Variants in UBR4 observed in about 807,000 individuals in gnomAD.
The protein encoded by UBR4 is ubiquitin protein ligase E3 component n-recognin 4, also known as E3 ubiquitin-protein ligase UBR4.
Under a neutral mutation model 575.6 loss-of-function variants are expected in UBR4, and 124 were observed. The observed-to-expected ratio is 0.22, with a 90% confidence interval of 0.19 to 0.25. UBR4 has a LOEUF of 0.25. Among genes scored for constraint, UBR4 ranks in the 10% least tolerant of loss-of-function variants. UBR4 has a pLI of 1.00. For synonymous variants in UBR4, 2,455 were observed against 2,473.7 expected, an observed-to-expected ratio of 0.99 and a Z score of 0.22; for missense variants, 4,818 against 6,478.8, an observed-to-expected ratio of 0.74 and a Z score of 8.80.
rs531147449 is a variant in UBR4 at position 19,163,686 on chromosome 1, C to T, written c.4764+78G>A. On this transcript the variant is annotated intron_variant, in intron 34 of 105. Coordinates refer to ENST00000375254, the MANE Select transcript of UBR4 (RefSeq NM_020765.3). ...AGCCAGGCACAGAACTCAATAGGAACGAGAGACTTCCACCTGACCACAGAG... is the reference window on the plus strand; with the variant it reads ...AGCCAGGCACAGAACTCAATAGGAATGAGAGACTTCCACCTGACCACAGAG... 36 of 1,479,276 alleles carry T rather than the reference C, an allele frequency of 2.4e-5. 3 individuals carry two copies. The highest frequency in any genetic ancestry group is 1.9e-4 in the South Asian group (17 of 88,334). The allele number at this position is 1,479,276 out of a possible 1,614,324, so 91.6% of individuals were successfully genotyped here.
chr1:19,196,914 A>G (rs1016559567), intron 8 of UBR4, among the ~76,000 whole-genome samples: 5 of 152,270 alleles, frequency 3.3e-5, no homozygotes, highest in African/African-American at 9.6e-5. Flanking sequence ...GTATCTGCAC[A>G]TACTATAAAA....
chr1:19,174,972 C>A lies in UBR4; in HGVS notation c.2835G>T (p.Leu945Phe). 1 of 1,613,906 alleles carries A rather than the reference C, an allele frequency of 6.2e-7. No individual in the cohort carries two copies. The highest frequency in any genetic ancestry group is 1.1e-5 in the South Asian group (1 of 91,024). The change falls in exon 21 of 106, where the codon TTG becomes TTT. Residue 945 changes from leucine (L) to phenylalanine (F), a missense_variant. By Grantham distance (22) the Leu-to-Phe change is conservative. Transcript: ENST00000375254. ...VLSPEASEDDLNRLDSVACDV... is the reference protein window; with the variant it reads ...VLSPEASEDDFNRLDSVACDV... ...CTAGTACCACAGAATCAAGTCGGTTCAAATCATCCTCTGAGGCTTCTGGGG... is the reference window on the plus strand; with the variant it reads ...CTAGTACCACAGAATCAAGTCGGTTAAAATCATCCTCTGAGGCTTCTGGGG...
At chr1:19,190,053 G>A (rs1412241844) in intron 11 of UBR4, among the ~76,000 whole-genome samples, 1 of 151,692 alleles carries the variant, frequency 6.6e-6, no homozygotes, top group African/African-American at 2.4e-5. Flanking sequence ...TTGGGATGCT[G>A]AGGCAGGCAG....
At chr1:19,198,381 G>A (rs1463802455) in intron 5 of UBR4, among the ~76,000 whole-genome samples, 160 bp downstream of exon 5, 2 of 152,134 alleles carry the variant, frequency 1.3e-5, no homozygotes, top group Admixed American at 1.3e-4. Context: ...GAGTTGGGGT[G>A]AATTTTACTT....
chr1:19,190,950 G>A (rs2092025363), intron 11 of UBR4, among the ~76,000 whole-genome samples: 1 of 152,074 alleles, frequency 6.6e-6, no homozygotes. Flanking sequence ...AGGTGATCTG[G>A]CCACTGGCTA....
intron 71 of UBR4, 97 bp from the exon 72 acceptor site, chr1:19,118,007 C>G: frequency 6.9e-6 from 8 of 1,155,042 alleles, no homozygotes; most frequent in Non-Finnish European, 1.0e-5. Context: ...TCAATGTGAG[C>G]CAAAGTGAGC....
At chr1:19,116,649 A>G (rs2080569898) in intron 73 of UBR4, among the ~76,000 whole-genome samples, 1 of 152,254 alleles carries the variant, frequency 6.6e-6, no homozygotes, top group African/African-American at 2.4e-5. Context: ...TGTCTCTGTG[A>G]AAGTCAACAC....
chr1:19,204,156 G>A (rs919930108), intron 1 of UBR4, among the ~76,000 whole-genome samples: 15 of 151,972 alleles, frequency 9.9e-5, no homozygotes, highest in African/African-American at 2.7e-4. Flanking sequence ...GTGCCACCAC[G>A]CCTGGCTAAT....
At position 19,100,168 on chromosome 1, in the gene UBR4, G is replaced by T. The variant is rs544978909; in HGVS notation, c.13221+208C>A. On this transcript the variant is annotated intron_variant, in intron 89 of 105. Coordinates refer to ENST00000375254, the MANE Select transcript of UBR4 (RefSeq NM_020765.3). This position sits in a 1 kb window ranked among gnomAD's most constrained non-coding sequence, Gnocchi z 4.2. ...TAACAATATGCTTACTTCCTGCCAG[G>T]CACTGGGCAGAGCCCTTTACAGGTT... is the stretch of plus-strand genomic sequence containing the variant. 5.1e-6 allele frequency: 3 copies of T among 589,510 alleles called. No individual in the cohort carries two copies. The highest frequency in any genetic ancestry group is 3.0e-5 in the Admixed American group (1 of 32,876). 36.5% of individuals were successfully genotyped at this position (589,510 alleles called of 1,614,324 possible).
chr1:19,079,876 G>A (rs2076317906), intron 103 of UBR4: 1 of 152,230 alleles, frequency 6.6e-6, no homozygotes, highest in South Asian at 2.1e-4. Context: ...ATTATTTAAG[G>A]CCAATTAGTA....
chr1:19,173,047 T>C lies in UBR4; in HGVS notation c.3338A>G (p.His1113Arg), dbSNP rs1040539187. The C allele has an allele frequency of 8.7e-6, 14 of 1,613,912 alleles. No homozygotes were observed. Among genetic ancestry groups the C allele is most frequent in the African/African-American group, 4.0e-5 (3 of 74,916 alleles). ...SIDCTTILQL[H>R]EIPSLQSIYT... ...GATGGACTGCAGACTGGGAATTTCA[T>C]GCAGCTGCAAGATGGTGGTACAGTC... Residue 1113 changes from histidine (H) to arginine (R), a missense_variant, in exon 25 of 106, where the codon CAT becomes CGT. Around this residue, in one of 29 missense-constraint regions of UBR4, gnomAD observed 1,172 missense variants for 1,259.7 expected, o/e 0.93. Transcript: ENST00000375254.
At chr1:19,105,288 T>C in intron 84 of UBR4, 99 bp from the exon 85 acceptor site, 1 of 1,390,598 alleles carries the variant, frequency 7.2e-7, no homozygotes, top group Non-Finnish European at 9.7e-7. Context: ...TATCTTCTGC[T>C]GTCTGTCTCT....
rs184460898 is a variant in UBR4, at chr1:19,131,207, C to T, written c.8907-2133G>A. On this transcript the variant is annotated intron_variant, in intron 60 of 105. Coordinates refer to ENST00000375254, the MANE Select transcript of UBR4 (RefSeq NM_020765.3). ...TACAGGTTTAAGTCATCATACCCAA[C>T]CTATTTTCAAACTCTTACACAGTAC... is the stretch of plus-strand genomic sequence containing the variant. Among the ~76,000 whole-genome samples, 565 of 138,186 alleles carry T rather than the reference C, an allele frequency of 4.1e-3. 4 individuals are homozygous for T. The highest frequency in any genetic ancestry group is 0.014 in the African/African-American group (501 of 36,858). The allele number at this position is 138,186 out of a possible 152,430, so 90.7% of individuals were successfully genotyped here. A position where few individuals can be genotyped will look rare whatever the true frequency, so the allele number is the denominator to read the frequency against.
chr1:19,153,837 C>T lies in UBR4; in HGVS notation c.6561G>A (p.Pro2187=), dbSNP rs373836724. 39 of 1,614,062 alleles carry T rather than the reference C, an allele frequency of 2.4e-5. No homozygotes were observed. The highest frequency in any genetic ancestry group is 2.4e-4 in the African/African-American group (18 of 74,916). The change falls in exon 45 of 106, where the codon CCG becomes CCA. Residue 2187 remains proline, a synonymous_variant. Coordinates refer to ENST00000375254, the MANE Select transcript of UBR4 (RefSeq NM_020765.3). The surrounding 1 kb of genome is among the most constrained non-coding windows in gnomAD (Gnocchi z 4.1). ...TGTCTGGTTTCACCATAACTACCAG[C>T]GGCACCCCTGTAGTTTGCTGGACAC... The part of the protein sequence containing the change: ...VCCVQQTTGV[P]LVVMVKPDTF...
rs757845908 is a variant in UBR4 at position 19,153,860 on chromosome 1, C to G, written c.6538G>C (p.Val2180Leu). 2.5e-6 allele frequency: 4 copies of G among 1,613,998 alleles called. No individual in the cohort carries two copies. The highest frequency in any genetic ancestry group is 3.4e-6 in the Non-Finnish European group (4 of 1,179,988). ...AGCGGCACCCCTGTAGTTTGCTGGA[C>G]ACAGCACACCAAGCCAGGGTGGTTC... is the stretch of plus-strand genomic sequence containing the variant. Reference protein sequence around the residue: ...VMNHPGLVCCVQQTTGVPLVV... With the variant: ...VMNHPGLVCCLQQTTGVPLVV... Residue 2180 changes from valine (V) to leucine (L), a missense_variant, in exon 45 of 106, where the codon GTC becomes CTC. Physicochemically the swap from Val to Leu is conservative, Grantham distance 32. Transcript: ENST00000375254. The surrounding 1 kb of genome is among the most constrained non-coding windows in gnomAD (Gnocchi z 4.1).
chr1:19,104,437 G>T, intron 86 of UBR4, 148 bp downstream of exon 86: 2 of 1,132,920 alleles, frequency 1.8e-6, no homozygotes, highest in Non-Finnish European at 2.5e-6. Flanking sequence ...AATCATAAAC[G>T]TATCAATACA....
chr1:19,128,170 G>T, intron 62 of UBR4, 41 bp downstream of exon 62: 1 of 1,574,580 alleles, frequency 6.4e-7, no homozygotes, highest in Non-Finnish European at 8.7e-7. Flanking sequence ...AAGGATCTCA[G>T]CCAATCCTGT....
At chr1:19,120,040 A>G (rs770844695) in intron 69 of UBR4, 140 bp downstream of exon 69, 8 of 1,080,948 alleles carry the variant, frequency 7.4e-6, no homozygotes, top group Non-Finnish European at 9.3e-6. Flanking sequence ...AACAATAAAG[A>G]AATCTCTAAA....
rs578001978 is a variant in UBR4, at chr1:19,114,909, C to A, written c.11104G>T (p.Ala3702Ser). 1 of 1,614,182 alleles carries A rather than the reference C, an allele frequency of 6.2e-7. No homozygotes were observed. Among genetic ancestry groups the A allele is most frequent in the Non-Finnish European group, 8.5e-7 (1 of 1,180,032 alleles). Reference sequence around the variant, plus strand: ...CGGGCATATTTACAGAAGCCACAGGCATTGCAGAGGAAGGGATCCTTTTCA... The same window carrying A: ...CGGGCATATTTACAGAAGCCACAGGAATTGCAGAGGAAGGGATCCTTTTCA... ...YDEKDPFLCN[A>S]CGFCKYARFD... Residue 3702 changes from alanine to serine, a missense_variant, in exon 75 of 106, where the codon GCC becomes TCC. Ala to Ser is a moderately conservative substitution (Grantham distance 99). Coordinates refer to ENST00000375254, the MANE Select transcript of UBR4 (RefSeq NM_020765.3).
Sources: gnomAD v4.1 joint callset for allele counts (sites outside exome capture counted in the v4.1 genomes callset) on GRCh38, gnomAD v4.1.1 for gene constraint, gnomAD v4.1.1 regional missense constraint, Gnocchi (gnomAD v3.1) non-coding constraint, MANE v1.5 for transcripts, NCBI Gene and HGNC (gene_info 2026-07-23, HGNC 2026-07-21) for gene names.